The following ZNF644 variants were observed in gnomAD, a reference collection of about 807,000 sequenced individuals.
The protein encoded by ZNF644 is zinc finger motif enhancer binding protein 2.
Under a neutral mutation model 108.0 loss-of-function variants are expected in ZNF644, and 20 were observed. That is an observed-to-expected ratio of 0.19 (90% CI 0.13 to 0.27). The LOEUF is 0.27. ZNF644 is among the 10% of genes least tolerant of loss of function. The probability of loss-of-function intolerance (pLI) is 1.00; values close to 1 mark genes in which losing one functional copy is unlikely to be tolerated. For synonymous variants in ZNF644, 542 were observed against 539.1 expected (o/e 1.01, Z -0.08); for missense variants, 1,338 against 1,548.9 (o/e 0.86, Z 2.29).
intron 2 of ZNF644, among the ~76,000 whole-genome samples, chr1:90,955,503 G>C (rs142474448): frequency 2.0e-5 from 3 of 152,338 alleles, no homozygotes; most frequent in African/African-American, 7.2e-5. Context: ...GTCAGAGCTA[G>C]ATCTCCTCGG....
chr1:91,003,141 G>A (rs1014395337), intron 1 of ZNF644, among the ~76,000 whole-genome samples: 10 of 152,266 alleles, frequency 6.6e-5, no homozygotes, highest in Admixed American at 5.2e-4. Context: ...CAAGGATCTA[G>A]AACTAGAAAT....
intron 2 of ZNF644, among the ~76,000 whole-genome samples, chr1:90,974,474 T>C (rs1002567888): frequency 2.0e-5 from 3 of 152,210 alleles, no homozygotes; most frequent in African/African-American, 7.2e-5. Flanking sequence ...ATCTAAAATG[T>C]AGCTCTTGTT....
rs1656649287 is a variant in ZNF644 at position 90,982,463 on chromosome 1, A to G, written c.-17-93T>C. The G allele has an allele frequency of 4.9e-6, 4 of 818,316 alleles. No homozygotes were observed. The East Asian group carries it at 1.0e-4, about 21-fold the overall frequency. The allele number at this position is 818,316 out of a possible 1,614,324, so 50.7% of individuals were successfully genotyped here. A position where few individuals can be genotyped will look rare whatever the true frequency, so the allele number is the denominator to read the frequency against. ...ATACACTATTATTTTAAATGAAAAA[A>G]CACAAACCAAATTATATTTCTTGAT... On this transcript the variant is annotated intron_variant, in intron 1 of 5. Coordinates refer to ENST00000337393, the MANE Select transcript of ZNF644 (RefSeq NM_201269.3).
intron 1 of ZNF644, among the ~76,000 whole-genome samples, chr1:91,007,676 T>C (rs1659585859): frequency 6.6e-6 from 1 of 152,208 alleles, no homozygotes; most frequent in South Asian, 2.1e-4. Context: ...AACTCTTCTA[T>C]GAAGTGTTTC....
At chr1:90,952,797 A>T (rs1653314473) in intron 2 of ZNF644, among the ~76,000 whole-genome samples, 1 of 152,146 alleles carries the variant, frequency 6.6e-6, no homozygotes. Flanking sequence ...GACAGAAGCA[A>T]TACTTCTGAG....
intron 1 of ZNF644, among the ~76,000 whole-genome samples, chr1:91,007,281 G>GCT (rs371925158): frequency 5.6e-5 from 7 of 123,962 alleles, no homozygotes; most frequent in African/African-American, 2.2e-4. Flanking sequence ...TGTTGCACAG[G>GCT]CTGGAGCACA....
At chr1:90,965,961 G>A (rs949530887) in intron 2 of ZNF644, among the ~76,000 whole-genome samples, 2 of 152,082 alleles carry the variant, frequency 1.3e-5, no homozygotes, top group African/African-American at 4.8e-5. Flanking sequence ...ATGTTGGCCA[G>A]GCTGGTCTCT....
At chr1:90,920,772 T>C (rs1649339227) in intron 4 of ZNF644, among the ~76,000 whole-genome samples, 1 of 152,020 alleles carries the variant, frequency 6.6e-6, no homozygotes, top group Non-Finnish European at 1.5e-5. Context: ...GGTTACAGAA[T>C]CTCATGCACT....
intron 1 of ZNF644, among the ~76,000 whole-genome samples, chr1:90,993,045 T>TA (rs1189756263): frequency 6.6e-6 from 1 of 151,940 alleles, no homozygotes; most frequent in Non-Finnish European, 1.5e-5. Flanking sequence ...CCCTGTCTCT[T>TA]AAAAAATAAA....
intron 2 of ZNF644, among the ~76,000 whole-genome samples, chr1:90,957,092 T>C (rs1397985055): frequency 6.6e-6 from 1 of 151,702 alleles, no homozygotes; most frequent in East Asian, 1.9e-4. Context: ...ATTACCAAAA[T>C]GAAGTCAAGA....
intron 1 of ZNF644, among the ~76,000 whole-genome samples, chr1:91,006,143 T>G (rs994041577): frequency 6.6e-6 from 1 of 151,620 alleles, no homozygotes; most frequent in Non-Finnish European, 1.5e-5. Context: ...GTAGATGAAA[T>G]GGACAAATTC....
chr1:90,940,960 T>A lies in ZNF644; in HGVS notation c.394A>T (p.Asn132Tyr). ...GTGGTTAATGAAACACTGCCTTTAT[T>A]CATATTGGAAGTCTTAGTTAAGGAG... ...HSSLTKTSNMNKGSVSLTTGQ... is the reference protein window; with the variant it reads ...HSSLTKTSNMYKGSVSLTTGQ... The change falls in exon 3 of 6, where the codon AAT (asparagine) becomes TAT (tyrosine). Residue 132 changes from asparagine to tyrosine, a missense_variant. Asn to Tyr is a moderately radical substitution (Grantham distance 143, BLOSUM62 -2). Around this residue, in one of 6 missense-constraint regions of ZNF644, gnomAD observed 464 missense variants for 457.9 expected, o/e 1.01. Transcript: ENST00000337393. 6.2e-7 allele frequency: 1 copy of A among 1,614,062 alleles called. No individual in the cohort carries two copies. The highest frequency in any genetic ancestry group is 8.5e-7 in the Non-Finnish European group (1 of 1,179,972).
At chr1:90,924,512 T>C (rs1649801898) in intron 4 of ZNF644, among the ~76,000 whole-genome samples, 1 of 152,176 alleles carries the variant, frequency 6.6e-6, no homozygotes, top group Non-Finnish European at 1.5e-5. Context: ...TAAATTGTTC[T>C]TGATCATAAA....
chr1:90,989,368 G>A (rs977236725), intron 1 of ZNF644, among the ~76,000 whole-genome samples: 1 of 151,634 alleles, frequency 6.6e-6, no homozygotes, highest in Non-Finnish European at 1.5e-5. Context: ...GGGCAACATG[G>A]CAAGACCTTG....
intron 2 of ZNF644, among the ~76,000 whole-genome samples, chr1:90,963,643 A>C (rs1654551651): frequency 6.6e-6 from 1 of 152,204 alleles, no homozygotes; most frequent in South Asian, 2.1e-4. Context: ...CTAACTCTCA[A>C]ACATAATGTT....
chr1:90,959,770 A>G (rs1202694687), intron 2 of ZNF644, among the ~76,000 whole-genome samples: 1 of 152,172 alleles, frequency 6.6e-6, no homozygotes, highest in Admixed American at 6.6e-5. Context: ...GGGGTGATGA[A>G]ACACTTTAGA....
chr1:90,967,180 C>T (rs1654988512), intron 2 of ZNF644, among the ~76,000 whole-genome samples: 1 of 148,442 alleles, frequency 6.7e-6, no homozygotes, highest in South Asian at 2.2e-4. Flanking sequence ...GTCCTCCTCT[C>T]AAATTCCCCA....
chr1:90,917,604 TCTC>T (rs1339097513), intron 5 of ZNF644, among the ~76,000 whole-genome samples: 1 of 152,036 alleles, frequency 6.6e-6, no homozygotes, highest in African/African-American at 2.4e-5. Flanking sequence ...CTCAAGCAAT[TCTC>T]CTGCCTCAGC....
rs566568739 is a variant in ZNF644 at position 90,915,868 on chromosome 1, G to A, written c.*930C>T. The stretch of plus-strand genomic sequence containing the variant: ...GAACGTCTATTCTAAACTGTGTAGT[G>A]AGCATTGTTTATTAATTACATTTCT... On this transcript the variant is annotated 3_prime_UTR_variant, in exon 6 of 6. Transcript: ENST00000337393. The A allele has an allele frequency of 2.0e-5, 3 of 152,554 alleles. No homozygotes were observed. The highest frequency in any genetic ancestry group is 4.4e-5 in the Non-Finnish European group (3 of 67,984). 9.5% of individuals were successfully genotyped at this position (152,554 alleles called of 1,614,324 possible). A position where few individuals can be genotyped will look rare whatever the true frequency, so the allele number is the denominator to read the frequency against.
Sources: gnomAD v4.1 joint callset for allele counts (sites outside exome capture counted in the v4.1 genomes callset) on GRCh38, gnomAD v4.1.1 for gene constraint, gnomAD v4.1.1 regional missense constraint, MANE v1.5 for transcripts, NCBI Gene and HGNC (gene_info 2026-07-23, HGNC 2026-07-21) for gene names.